Variants in CSMD1 observed in about 807,000 individuals in gnomAD.
CSMD1 encodes CUB and Sushi multiple domains 1.
Under a neutral mutation model 417.5 loss-of-function variants are expected in CSMD1, and 213 were observed. The ratio of observed to expected loss-of-function variants is 0.51; its 90% CI spans 0.46 to 0.57. The LOEUF is 0.57. Among genes scored for constraint, CSMD1 ranks in the 20% least tolerant of loss-of-function variants. The probability of loss-of-function intolerance (pLI) is 0.00; values close to 1 mark genes in which losing one functional copy is unlikely to be tolerated. For synonymous variants in CSMD1, 2,862 were observed against 1,736.8 expected, an observed-to-expected ratio of 1.65 and a Z score of -16.11; for missense variants, 6,923 against 4,529.7, an observed-to-expected ratio of 1.53 and a Z score of -15.17.
intron 3 of CSMD1, among the ~76,000 whole-genome samples, chr8:4,239,525 G>C (rs534254143): frequency 6.6e-6 from 1 of 152,178 alleles, no homozygotes; most frequent in African/African-American, 2.4e-5. Context: ...AGCTGGTTTT[G>C]GTGGTTCCAA....
chr8:3,473,821 G>A (rs187336865), intron 11 of CSMD1, among the ~76,000 whole-genome samples: 2 of 152,260 alleles, frequency 1.3e-5, no homozygotes, highest in Admixed American at 1.3e-4. Flanking sequence ...AATTTATAAA[G>A]AAAGGAGATT....
At chr8:4,326,918 G>A (rs1462228392) in intron 3 of CSMD1, among the ~76,000 whole-genome samples, 1 of 152,266 alleles carries the variant, frequency 6.6e-6, no homozygotes, top group Admixed American at 6.5e-5. Flanking sequence ...AAGTAAGTTA[G>A]GAGCCATAAT....
At chr8:3,456,330 G>T (rs6996606) in intron 12 of CSMD1, among the ~76,000 whole-genome samples, 11,416 of 92,926 alleles carry the variant, frequency 0.12, 1,027 homozygotes, top group East Asian at 0.32. Context: ...ACACTCCCCA[G>T]TGACATGAAC....
At position 4,033,607 on chromosome 8, in the gene CSMD1, A is replaced by G. The variant is rs568001928; in HGVS notation, c.416-1508T>C. 9.0e-4 allele frequency among the ~76,000 whole-genome samples: 137 copies of G among 152,206 alleles called. 2 individuals carry two copies. The highest frequency in any genetic ancestry group is 3.2e-3 in the African/African-American group (135 of 41,540). ...ATGTGTAAAACTAAGTTGTGGCTCAATCCTCTTGGGCACTTGTTCTCAGGA... is the reference window on the plus strand; with the variant it reads ...ATGTGTAAAACTAAGTTGTGGCTCAGTCCTCTTGGGCACTTGTTCTCAGGA... On this transcript the variant is annotated intron_variant, in intron 3 of 69. Coordinates refer to ENST00000635120, the MANE Select transcript of CSMD1 (RefSeq NM_033225.6).
chr8:3,386,969 G>C (rs1811042037), intron 18 of CSMD1, among the ~76,000 whole-genome samples: 1 of 152,148 alleles, frequency 6.6e-6, no homozygotes, highest in African/African-American at 2.4e-5. Flanking sequence ...ATTCCCAAGA[G>C]AAGATTTGTG....
chr8:4,186,774 G>T lies in CSMD1; in HGVS notation c.416-154675C>A, dbSNP rs191234502. The stretch of plus-strand genomic sequence containing the variant: ...AGCTGAGGCGGGTGGATCACTTGAG[G>T]TCAGGAGTTCAAGACCAGCCTGGTC... On this transcript the variant is annotated intron_variant, in intron 3 of 69. Coordinates refer to ENST00000635120, the MANE Select transcript of CSMD1 (RefSeq NM_033225.6). Among the ~76,000 whole-genome samples, 766 of 151,650 alleles carry T rather than the reference G, an allele frequency of 5.1e-3. 3 individuals carry two copies. The highest frequency in any genetic ancestry group is 0.01 in the Middle Eastern group (3 of 294).
intron 6 of CSMD1, among the ~76,000 whole-genome samples, chr8:3,721,374 C>T (rs529625810): frequency 2.4e-4 from 36 of 152,198 alleles, no homozygotes; most frequent in African/African-American, 8.4e-4. Flanking sequence ...GAATCATCAA[C>T]GTCTCTAGCC....
intron 1 of CSMD1, among the ~76,000 whole-genome samples, chr8:4,834,695 T>G (rs554368093): frequency 1.3e-4 from 20 of 151,652 alleles, no homozygotes; most frequent in East Asian, 5.8e-4. Context: ...GGTGGCTCAC[T>G]CCTGTAATCC....
chr8:4,359,004 G>C (rs1000817606), intron 3 of CSMD1, among the ~76,000 whole-genome samples: 1 of 151,692 alleles, frequency 6.6e-6, no homozygotes, highest in African/African-American at 2.4e-5. Context: ...ACATATATAG[G>C]CATATAATAT....
At chr8:3,416,947 A>G (rs935792808) in intron 12 of CSMD1, among the ~76,000 whole-genome samples, 8 of 152,372 alleles carry the variant, frequency 5.3e-5, no homozygotes, top group Non-Finnish European at 7.3e-5. Flanking sequence ...ACCCATAGTC[A>G]TGTATATGAA....
At chr8:3,225,712 T>C (rs115798421) in intron 27 of CSMD1, among the ~76,000 whole-genome samples, 29,706 of 152,010 alleles carry the variant, frequency 0.2, 2,997 homozygotes, top group Admixed American at 0.22. Flanking sequence ...TTATTCACAC[T>C]GATCCCAGGA....
intron 5 of CSMD1, among the ~76,000 whole-genome samples, chr8:3,908,009 C>A (rs1808223967): frequency 6.6e-6 from 1 of 152,042 alleles, no homozygotes; most frequent in African/African-American, 2.4e-5. Flanking sequence ...TTCACAGTTT[C>A]CTCTTTCTAC....
At chr8:3,980,701 A>G (rs562292969) in intron 5 of CSMD1, among the ~76,000 whole-genome samples, 1 of 152,326 alleles carries the variant, frequency 6.6e-6, no homozygotes, top group African/African-American at 2.4e-5. Flanking sequence ...AGAATTTAAA[A>G]GAACGATGTG....
chr8:3,522,915 T>A (rs908979200), intron 10 of CSMD1, among the ~76,000 whole-genome samples: 1 of 150,226 alleles, frequency 6.7e-6, no homozygotes, highest in African/African-American at 2.4e-5. Flanking sequence ...TTATCATGTA[T>A]AAAATATCAA....
At chr8:3,315,460 G>GTGTGTGTGTGTGTGTGTGTGTGTGTT (rs370216684) in intron 23 of CSMD1, among the ~76,000 whole-genome samples, 32 of 151,590 alleles carry the variant, frequency 2.1e-4, no homozygotes, top group Admixed American at 3.3e-4. Context: ...GTGTGTGTGT[G>GTGTGTGTGTGTGTGTGTGTGTGTGTT]TGATTTTTAA....
At chr8:3,029,565 A>C (rs1004244171) in intron 50 of CSMD1, 52 bp from the exon 51 acceptor site, 7 of 1,489,260 alleles carry the variant, frequency 4.7e-6, no homozygotes, top group Non-Finnish European at 6.4e-6. Context: ...GGAAAACATC[A>C]GACCGTGCTT....
At chr8:3,020,564 G>A (rs917949026) in intron 51 of CSMD1, among the ~76,000 whole-genome samples, 1 of 152,056 alleles carries the variant, frequency 6.6e-6, no homozygotes, top group Non-Finnish European at 1.5e-5. Flanking sequence ...GTAGAGATGG[G>A]GGTCTCATTG....
intron 1 of CSMD1, among the ~76,000 whole-genome samples, chr8:4,915,535 G>A (rs1013919231): frequency 2.6e-5 from 4 of 152,078 alleles, no homozygotes; most frequent in Non-Finnish European, 4.4e-5. Context: ...GCAGGAGCAC[G>A]GCTCTGAGGT....
chr8:4,453,088 CTA>C (rs1260332059), intron 2 of CSMD1, among the ~76,000 whole-genome samples: 1 of 151,988 alleles, frequency 6.6e-6, no homozygotes, highest in Non-Finnish European at 1.5e-5. Context: ...TCTCCTGGGG[CTA>C]TAGACAGGGA....
Sources: gnomAD v4.1 joint callset for allele counts (sites outside exome capture counted in the v4.1 genomes callset) on GRCh38, gnomAD v4.1.1 for gene constraint, MANE v1.5 for transcripts, NCBI Gene and HGNC (gene_info 2026-07-23, HGNC 2026-07-21) for gene names.